The following PCDHAC1 variants were observed in gnomAD, a reference collection of about 807,000 sequenced individuals.
PCDHAC1 encodes protocadherin alpha subfamily C, 1, also known as protocadherin alpha-C1.
In PCDHAC1, 42 loss-of-function variants were observed where a neutral mutation model predicts 60.0. The observed-to-expected ratio is 0.70, with a 90% confidence interval of 0.55 to 0.90. PCDHAC1 has a LOEUF of 0.90. Among genes scored for constraint, PCDHAC1 ranks in the 40% least tolerant of loss-of-function variants. The pLI is 0.00. For missense variants in PCDHAC1, 1,160 were observed against 1,222.3 expected, an observed-to-expected ratio of 0.95 and a Z score of 0.76; for synonymous variants, 468 against 499.3, an observed-to-expected ratio of 0.94 and a Z score of 0.84.
chr5:140,988,184 GGT>G (rs2153871318), intron 3 of PCDHAC1, among the ~76,000 whole-genome samples: 1 of 152,246 alleles, frequency 6.6e-6, no homozygotes, highest in East Asian at 1.9e-4. Flanking sequence ...AGTCCTGGGA[GGT>G]GTGTGCATAT....
chr5:140,968,635 T>C, intron 1 of PCDHAC1: 1 of 1,614,190 alleles, frequency 6.2e-7, no homozygotes, highest in East Asian at 2.2e-5. Context: ...TTTTTTACCA[T>C]CTAGCCCAGA....
At chr5:140,973,400 A>G (rs2096585870) in intron 1 of PCDHAC1, among the ~76,000 whole-genome samples, 1 of 152,244 alleles carries the variant, frequency 6.6e-6, no homozygotes, top group Non-Finnish European at 1.5e-5. Flanking sequence ...AATCATATCT[A>G]TGAGCTTCCA....
At chr5:140,988,267 C>T (rs1204961254) in intron 3 of PCDHAC1, among the ~76,000 whole-genome samples, 1 of 152,146 alleles carries the variant, frequency 6.6e-6, no homozygotes, top group Non-Finnish European at 1.5e-5. Flanking sequence ...GAGTATCCTT[C>T]GCTGTCACCT....
intron 3 of PCDHAC1, among the ~76,000 whole-genome samples, chr5:141,002,433 A>G (rs2098079655): frequency 6.6e-6 from 1 of 152,258 alleles, no homozygotes; most frequent in East Asian, 1.9e-4. Context: ...ACAGGCAATA[A>G]CCATAATAAT....
At position 140,928,165 on chromosome 5, in the gene PCDHAC1, C is replaced by G; in HGVS notation, c.1273C>G (p.Leu425Val). The change falls in exon 1 of 4, where the codon CTT becomes GTT. Residue 425 changes from leucine to valine, a missense_variant. By Grantham distance (32) the Leu-to-Val change is conservative (BLOSUM62 1). This residue lies in a region of PCDHAC1 where 1,113 missense variants were observed against 1,163.7 expected (regional missense o/e 0.96). Coordinates refer to ENST00000253807, the MANE Select transcript of PCDHAC1 (RefSeq NM_018898.5). Reference sequence around the variant, plus strand: ...GGCCTCAGATAGTGGCTCACCCCCACTTAGCACCCGAAGGACAATCACTGT... The same window carrying G: ...GGCCTCAGATAGTGGCTCACCCCCAGTTAGCACCCGAAGGACAATCACTGT... The part of the protein sequence containing the change: ...ITASDSGSPP[L>V]STRRTITVSV... The G allele has an allele frequency of 6.2e-7, 1 of 1,614,200 alleles. No homozygotes were observed. The highest frequency in any genetic ancestry group is 8.5e-7 in the Non-Finnish European group (1 of 1,180,032).
At chr5:140,931,817 C>A (rs2087768963) in intron 1 of PCDHAC1, among the ~76,000 whole-genome samples, 1 of 151,876 alleles carries the variant, frequency 6.6e-6, no homozygotes, top group Non-Finnish European at 1.5e-5. Context: ...GAAAAGAATT[C>A]TTGTCATAGT....
At chr5:140,952,449 G>C (rs549255236) in intron 1 of PCDHAC1, among the ~76,000 whole-genome samples, 1 of 152,242 alleles carries the variant, frequency 6.6e-6, no homozygotes. Context: ...AATACAGCCA[G>C]GCTCTTTGCT....
chr5:140,994,377 G>C (rs1260163825), intron 3 of PCDHAC1, among the ~76,000 whole-genome samples: 3 of 152,098 alleles, frequency 2.0e-5, no homozygotes, highest in Non-Finnish European at 4.4e-5. Context: ...GGAAATTCAG[G>C]GGACTAAGTC....
intron 1 of PCDHAC1, among the ~76,000 whole-genome samples, chr5:140,970,416 G>A (rs536181177): frequency 2.4e-4 from 36 of 152,326 alleles, no homozygotes; most frequent in African/African-American, 8.2e-4. Context: ...CTACAGTAAG[G>A]TGTAGAGGCA....
intron 1 of PCDHAC1, among the ~76,000 whole-genome samples, chr5:140,937,011 G>A (rs567332621): frequency 9.2e-5 from 14 of 151,352 alleles, no homozygotes; most frequent in Non-Finnish European, 1.8e-4. Flanking sequence ...ACAGACAACC[G>A]ATTAACAAGG....
At position 141,012,226 on chromosome 5, in the gene PCDHAC1, A is replaced by G. The variant is rs1021307000; in HGVS notation, c.*2289A>G. Reference sequence around the variant, plus strand: ...TTTTACATTTGCGAAGTGCTTTCCAATCCATGTTAGTTACTAGTTATTACA... The same window carrying G: ...TTTTACATTTGCGAAGTGCTTTCCAGTCCATGTTAGTTACTAGTTATTACA... On this transcript the variant is annotated 3_prime_UTR_variant, in exon 4 of 4. Transcript: ENST00000253807. The G allele has an allele frequency of 2.6e-5, 4 of 153,758 alleles. No individual in the cohort carries two copies. Among genetic ancestry groups the G allele is most frequent in the African/African-American group, 9.7e-5 (4 of 41,442 alleles). 9.5% of individuals were successfully genotyped at this position (153,758 alleles called of 1,614,324 possible). A position where few individuals can be genotyped will look rare whatever the true frequency, so the allele number is the denominator to read the frequency against.
intron 3 of PCDHAC1, among the ~76,000 whole-genome samples, chr5:140,984,412 A>G (rs1189115390): frequency 5.9e-5 from 9 of 152,184 alleles, no homozygotes; most frequent in African/African-American, 2.2e-4. Flanking sequence ...TATCTTTTTT[A>G]CAGAGATAGA....
intron 3 of PCDHAC1, among the ~76,000 whole-genome samples, chr5:141,008,590 T>G (rs1259352249): frequency 6.6e-6 from 1 of 152,216 alleles, no homozygotes; most frequent in Non-Finnish European, 1.5e-5. Context: ...CAGGGCAGAT[T>G]TCACCTCCTC....
chr5:140,969,680 G>A (rs2096353475), intron 1 of PCDHAC1, among the ~76,000 whole-genome samples: 1 of 152,204 alleles, frequency 6.6e-6, no homozygotes, highest in African/African-American at 2.4e-5. Context: ...TGAGACTCAA[G>A]GAGAAATGGC....
chr5:140,998,243 C>T (rs1554256209), intron 3 of PCDHAC1, among the ~76,000 whole-genome samples: 1 of 152,164 alleles, frequency 6.6e-6, no homozygotes, highest in Non-Finnish European at 1.5e-5. Context: ...CATTATTATA[C>T]TCATTTTACT....
intron 1 of PCDHAC1, among the ~76,000 whole-genome samples, chr5:140,978,010 T>G (rs2096785841): frequency 6.6e-6 from 1 of 152,156 alleles, no homozygotes; most frequent in African/African-American, 2.4e-5. Flanking sequence ...TTTTTCACAG[T>G]GACATTTTTG....
chr5:140,959,073 G>A (rs775479268), intron 1 of PCDHAC1, among the ~76,000 whole-genome samples: 2 of 152,094 alleles, frequency 1.3e-5, no homozygotes, highest in Non-Finnish European at 2.9e-5. Flanking sequence ...ATAGAATTCA[G>A]TATTATCCTT....
Position 141,011,847 on chromosome 5 carries a change from T to C in PCDHAC1, c.*1910T>C, listed in dbSNP as rs745912784. 2.0e-5 allele frequency: 3 copies of C among 153,780 alleles called. No individual in the cohort carries two copies. Among genetic ancestry groups the C allele is most frequent in the Non-Finnish European group, 4.4e-5 (3 of 68,052 alleles). The allele number at this position is 153,780 out of a possible 1,614,324, so 9.5% of individuals were successfully genotyped here. ...ATTTGCTGTCACCTTAAATAAGACA[T>C]TTTAATTTTGTTATAATGTACAATT... On this transcript the variant is annotated 3_prime_UTR_variant, in exon 4 of 4. Coordinates refer to ENST00000253807, the MANE Select transcript of PCDHAC1 (RefSeq NM_018898.5).
intron 1 of PCDHAC1, among the ~76,000 whole-genome samples, chr5:140,970,970 T>C (rs1554232920): frequency 1.3e-5 from 2 of 152,170 alleles, no homozygotes; most frequent in African/African-American, 2.4e-5. Flanking sequence ...GATTGTAGAT[T>C]AAGAAAAATG....
Sources: allele counts gnomAD v4.1 joint callset (sites outside exome capture counted in the v4.1 genomes callset), GRCh38; gene constraint gnomAD v4.1.1; regional missense constraint gnomAD v4.1.1; transcripts MANE v1.5; gene names NCBI Gene and HGNC (gene_info 2026-07-23, HGNC 2026-07-21).